The following ARMH4 variants were observed in gnomAD, a reference collection of about 807,000 sequenced individuals.
The protein encoded by ARMH4 is armadillo like helical domain containing 4.
A neutral mutation model predicts 61.9 loss-of-function variants in ARMH4; 49 were observed. That is an observed-to-expected ratio of 0.79 (90% CI 0.63 to 1.00). ARMH4 has a LOEUF of 1.00. Among genes scored for constraint, ARMH4 ranks in the 50% least tolerant of loss-of-function variants. The probability of loss-of-function intolerance (pLI) is 0.00; values close to 1 mark genes in which losing one functional copy is unlikely to be tolerated. For synonymous variants in ARMH4, 368 were observed against 341.5 expected, an observed-to-expected ratio of 1.08 and a Z score of -0.85; for missense variants, 934 against 930.0, an observed-to-expected ratio of 1.00 and a Z score of -0.06.
chr14:58,063,889 A>G (rs979609419), intron 5 of ARMH4, among the ~76,000 whole-genome samples: 5 of 152,114 alleles, frequency 3.3e-5, no homozygotes, highest in African/African-American at 1.2e-4. Context: ...TTTAATTGAC[A>G]TTTTTCTTAG....
At chr14:58,071,593 A>T (rs377376194) in intron 5 of ARMH4, among the ~76,000 whole-genome samples, 71 of 152,266 alleles carry the variant, frequency 4.7e-4, no homozygotes, top group African/African-American at 1.6e-3. Context: ...TTTTAACTCA[A>T]ACACCCCAGT....
At chr14:58,100,023 T>G (rs1249227129) in intron 4 of ARMH4, among the ~76,000 whole-genome samples, 4 of 152,162 alleles carry the variant, frequency 2.6e-5, no homozygotes, top group Non-Finnish European at 5.9e-5. Context: ...GGCTTCTTCA[T>G]AATGACTAAA....
intron 5 of ARMH4, among the ~76,000 whole-genome samples, chr14:58,069,695 T>C (rs1044542546): frequency 6.6e-5 from 10 of 152,128 alleles, no homozygotes; most frequent in South Asian, 4.1e-4. Flanking sequence ...GAAGGGAAAT[T>C]TGACGTACAG....
intron 5 of ARMH4, among the ~76,000 whole-genome samples, chr14:58,073,201 A>G (rs536138809): frequency 8.5e-5 from 13 of 152,330 alleles, no homozygotes; most frequent in African/African-American, 3.1e-4. Flanking sequence ...AAATGATGAG[A>G]AGAAGAAAAG....
At chr14:58,117,516 T>A (rs1448268108) in intron 4 of ARMH4, among the ~76,000 whole-genome samples, 1 of 152,180 alleles carries the variant, frequency 6.6e-6, no homozygotes, top group East Asian at 1.9e-4. Context: ...TATGCATTTG[T>A]TTTATCATAC....
intron 5 of ARMH4, among the ~76,000 whole-genome samples, chr14:58,094,328 T>TTAAAAAA (rs1885675625): frequency 5.0e-5 from 2 of 40,342 alleles, no homozygotes; most frequent in African/African-American, 2.0e-4. Flanking sequence ...AGACGCTTTC[T>TTAAAAAA]CAAAAAAAAA....
At chr14:58,027,059 C>T (rs113692405) in intron 5 of ARMH4, among the ~76,000 whole-genome samples, 10 of 152,258 alleles carry the variant, frequency 6.6e-5, no homozygotes, top group African/African-American at 2.4e-4. Context: ...GTTTGTTTTC[C>T]AAAAGTTCCA....
At position 58,141,500 on chromosome 14, in the gene ARMH4, G is replaced by A. The variant is rs192592588; in HGVS notation, c.-56-2086C>T. On this transcript the variant is annotated intron_variant, in intron 1 of 7. Transcript: ENST00000267485. ...ACCCTAAACCTGGTGCTGCGCCTGC[G>A]AGGTGGCATTACTGAGCCTTCCCTC... 1.7e-3 allele frequency: 891 copies of A among 539,778 alleles called. 2 individuals carry two copies. Among genetic ancestry groups the A allele is most frequent in the Non-Finnish European group, 2.4e-3 (629 of 267,448 alleles). The allele number at this position is 539,778 out of a possible 1,614,324, so 33.4% of individuals were successfully genotyped here.
chr14:58,100,404 C>T (rs1467912108), intron 4 of ARMH4, among the ~76,000 whole-genome samples: 3 of 152,034 alleles, frequency 2.0e-5, no homozygotes, highest in African/African-American at 4.8e-5. Context: ...GCTGCTTGGG[C>T]GCAGGCATGG....
At chr14:58,134,203 T>C (rs1468372123) in intron 2 of ARMH4, among the ~76,000 whole-genome samples, 1 of 152,194 alleles carries the variant, frequency 6.6e-6, no homozygotes, top group Admixed American at 6.5e-5. Flanking sequence ...TTTGTTCACA[T>C]TGCCAGCACC....
At chr14:58,146,910 G>A (rs543369431) in intron 1 of ARMH4, among the ~76,000 whole-genome samples, 2 of 152,314 alleles carry the variant, frequency 1.3e-5, no homozygotes, top group Non-Finnish European at 2.9e-5. Context: ...AAGGCACAAT[G>A]AGCATCGCCC....
chr14:58,113,313 C>T (rs924871797), intron 4 of ARMH4, among the ~76,000 whole-genome samples: 1 of 152,142 alleles, frequency 6.6e-6, no homozygotes. Context: ...TATTTAGCAC[C>T]ATGTAGTTTT....
chr14:58,125,941 T>C (rs1242582367), intron 4 of ARMH4, among the ~76,000 whole-genome samples: 3 of 152,126 alleles, frequency 2.0e-5, no homozygotes, highest in Non-Finnish European at 4.4e-5. Flanking sequence ...ACCAGTCAGA[T>C]AGTAAAGAGA....
intron 5 of ARMH4, among the ~76,000 whole-genome samples, chr14:58,089,636 T>C (rs1248551498): frequency 6.6e-6 from 1 of 152,234 alleles, no homozygotes; most frequent in Non-Finnish European, 1.5e-5. Context: ...TAATGAGTTG[T>C]TCTACCCAGA....
intron 5 of ARMH4, among the ~76,000 whole-genome samples, chr14:58,060,555 A>T (rs1177035818): frequency 6.6e-6 from 1 of 152,220 alleles, no homozygotes; most frequent in Non-Finnish European, 1.5e-5. Flanking sequence ...TTAGACCCAG[A>T]TACTGCCAAC....
At chr14:58,088,195 T>C (rs1002636574) in intron 5 of ARMH4, among the ~76,000 whole-genome samples, 6 of 152,178 alleles carry the variant, frequency 3.9e-5, no homozygotes, top group Non-Finnish European at 8.8e-5. Context: ...ATTTAAAACC[T>C]ACTAAAATCC....
intron 5 of ARMH4, among the ~76,000 whole-genome samples, chr14:58,095,575 A>G (rs1885720948): frequency 6.6e-6 from 1 of 152,192 alleles, no homozygotes. Flanking sequence ...TTTTAAAGTA[A>G]TCATTGCCCA....
chr14:58,006,590 A>G (rs2347676), intron 6 of ARMH4, among the ~76,000 whole-genome samples: 31,845 of 151,968 alleles, frequency 0.21, 4,146 homozygotes, highest in East Asian at 0.55. Context: ...TCTTCCATTA[A>G]TTTGAGAACA....
At chr14:58,148,988 G>A (rs752390539) in intron 1 of ARMH4, among the ~76,000 whole-genome samples, 7 of 151,940 alleles carry the variant, frequency 4.6e-5, no homozygotes, top group African/African-American at 9.7e-5. Context: ...CTGATGAGGG[G>A]GATAGTGTCT....
Sources: allele counts gnomAD v4.1 joint callset (sites outside exome capture counted in the v4.1 genomes callset), GRCh38; gene constraint gnomAD v4.1.1; transcripts MANE v1.5; gene names NCBI Gene and HGNC (gene_info 2026-07-23, HGNC 2026-07-21).